The following COA1 variants were observed in gnomAD, a reference collection of about 807,000 sequenced individuals.
COA1 encodes the protein cytochrome c oxidase assembly factor 1.
In COA1, 13 loss-of-function variants were observed where a neutral mutation model predicts 16.0. That is an observed-to-expected ratio of 0.81 (90% CI 0.53 to 1.29). The LOEUF is 1.29. Ranked by LOEUF, COA1 falls within the 50% of genes most tolerant of loss-of-function variation. The pLI, the probability that COA1 is intolerant of heterozygous loss-of-function variation, is 0.00. For missense variants in COA1, 179 were observed against 177.0 expected (o/e 1.01, Z -0.06); for synonymous variants, 65 against 65.7 (o/e 0.99, Z 0.05).
intron 1 of COA1, among the ~76,000 whole-genome samples, chr7:43,673,479 A>C (rs1475789297): frequency 6.6e-6 from 1 of 152,246 alleles, no homozygotes; most frequent in African/African-American, 2.4e-5. Context: ...CTATTATTAA[A>C]AAGTCAAAAA....
intron 1 of COA1, among the ~76,000 whole-genome samples, chr7:43,709,495 T>C (rs1213951960): frequency 1.3e-5 from 2 of 151,788 alleles, no homozygotes; most frequent in Non-Finnish European, 2.9e-5. Flanking sequence ...CATGCATATA[T>C]ATAAAATGCT....
At chr7:43,625,002 G>C in intron 6 of COA1, 1 of 619,538 alleles carries the variant, frequency 1.6e-6, no homozygotes, top group African/African-American at 1.9e-5. Flanking sequence ...GTGGAAGCCA[G>C]ATTTTAAAAG....
chr7:43,664,631 CA>C (rs2092755712), intron 1 of COA1, among the ~76,000 whole-genome samples: 1 of 152,104 alleles, frequency 6.6e-6, no homozygotes, highest in Non-Finnish European at 1.5e-5. Context: ...GCTGTAATGC[CA>C]GCTATTTGGG....
chr7:43,611,506 A>G (rs1468692287), intron 6 of COA1, among the ~76,000 whole-genome samples: 1 of 152,184 alleles, frequency 6.6e-6, no homozygotes, highest in Admixed American at 6.5e-5. Flanking sequence ...AAGGTTACCT[A>G]GTTAAAACCT....
At chr7:43,695,825 A>C (rs1349807859) in intron 1 of COA1, among the ~76,000 whole-genome samples, 1 of 152,194 alleles carries the variant, frequency 6.6e-6, no homozygotes, top group Non-Finnish European at 1.5e-5. Context: ...AAATGCATAT[A>C]CCCTTCAGCC....
At chr7:43,700,725 G>A (rs2094704143) in intron 1 of COA1, among the ~76,000 whole-genome samples, 1 of 151,736 alleles carries the variant, frequency 6.6e-6, no homozygotes, top group South Asian at 2.1e-4. Context: ...ACTGGCAAAT[G>A]TTGTTTATAG....
chr7:43,697,433 AGG>A (rs1221825290), intron 1 of COA1, among the ~76,000 whole-genome samples: 7 of 151,940 alleles, frequency 4.6e-5, no homozygotes, highest in Admixed American at 4.6e-4. Context: ...CTGGGACTAC[AGG>A]GGCATGTGTC....
intron 1 of COA1, among the ~76,000 whole-genome samples, chr7:43,701,768 A>C (rs552226625): frequency 6.6e-6 from 1 of 152,168 alleles, no homozygotes; most frequent in Non-Finnish European, 1.5e-5. Context: ...TGAGTTGTTA[A>C]TAGCCACTCT....
intron 6 of COA1, among the ~76,000 whole-genome samples, chr7:43,618,887 G>C (rs945847107): frequency 6.6e-6 from 1 of 152,128 alleles, no homozygotes; most frequent in African/African-American, 2.4e-5. Flanking sequence ...TTTGGAAGTA[G>C]ATGAAATCGC....
intron 1 of COA1, among the ~76,000 whole-genome samples, chr7:43,651,487 G>A (rs2090766392): frequency 6.6e-6 from 1 of 152,100 alleles, no homozygotes; most frequent in Non-Finnish European, 1.5e-5. Context: ...CTAAACGGAT[G>A]CAGCAGCTGC....
chr7:43,648,755 GAAC>G, intron 1 of COA1, 103 bp from the exon 2 acceptor site: 2 of 788,636 alleles, frequency 2.5e-6, no homozygotes, highest in African/African-American at 3.5e-5. Context: ...TTTAGAACAC[GAAC>G]AAGAAGTTAA....
intron 1 of COA1, among the ~76,000 whole-genome samples, chr7:43,675,560 C>G (rs2093476522): frequency 6.6e-6 from 1 of 151,966 alleles, no homozygotes; most frequent in South Asian, 2.1e-4. Context: ...TGTAACAAAC[C>G]TGCACATTGT....
chr7:43,707,393 A>C (rs1195046393), intron 1 of COA1, among the ~76,000 whole-genome samples: 1 of 152,238 alleles, frequency 6.6e-6, no homozygotes, highest in Non-Finnish European at 1.5e-5. Context: ...TCACACAAAG[A>C]AAAGTGCACA....
chr7:43,648,175 A>G (rs1030524548), intron 2 of COA1: 27 of 229,108 alleles, frequency 1.2e-4, no homozygotes, highest in African/African-American at 5.6e-4. Context: ...TAAATACAGC[A>G]TACCATCCAT....
intron 1 of COA1, among the ~76,000 whole-genome samples, chr7:43,659,453 A>G (rs75119183): frequency 0.023 from 3,447 of 152,290 alleles, 81 homozygotes; most frequent in Admixed American, 0.048. Flanking sequence ...TAGATTTTAA[A>G]CCACAGCAAG....
intron 2 of COA1, chr7:43,648,373 G>T (rs1226603674): frequency 6.4e-6 from 4 of 621,818 alleles, no homozygotes; most frequent in African/African-American, 5.5e-5. Flanking sequence ...TTATGGAGAG[G>T]TTCCCAGAGT....
intron 1 of COA1, among the ~76,000 whole-genome samples, chr7:43,719,826 G>C (rs1237452802): frequency 6.6e-6 from 1 of 152,092 alleles, no homozygotes; most frequent in Non-Finnish European, 1.5e-5. Context: ...TCCAATCAAG[G>C]AGCAAAGAGA....
intron 4 of COA1, chr7:43,641,160 G>A (rs2086950406): frequency 6.6e-6 from 1 of 152,226 alleles, no homozygotes; most frequent in Admixed American, 6.5e-5. Flanking sequence ...TGGAAGATGT[G>A]AGAAGGGACC....
chr7:43,677,257 A>G (rs1254621074), intron 1 of COA1, among the ~76,000 whole-genome samples: 14 of 152,260 alleles, frequency 9.2e-5, no homozygotes, highest in Admixed American at 9.2e-4. Context: ...TTTAAAAACT[A>G]CATTATTCCT....
Sources: gnomAD v4.1 joint callset for allele counts (sites outside exome capture counted in the v4.1 genomes callset) on GRCh38, gnomAD v4.1.1 for gene constraint, MANE v1.5 for transcripts, NCBI Gene and HGNC (gene_info 2026-07-23, HGNC 2026-07-21) for gene names.